CENPW: variants seen among roughly 807,000 people sequenced by gnomAD.
The protein encoded by CENPW is cancer-up-regulated gene 2 protein.
A neutral mutation model predicts 11.1 loss-of-function variants in CENPW; 3 were observed. That is an observed-to-expected ratio of 0.27 (90% confidence interval 0.12 to 0.70). The LOEUF is 0.70. Among genes scored for constraint, CENPW ranks in the 30% least tolerant of loss-of-function variants. The pLI, the probability that CENPW is intolerant of heterozygous loss-of-function variation, is 0.77. For missense variants in CENPW, 100 were observed against 105.6 expected (o/e 0.95, Z 0.23); for synonymous variants, 38 against 42.0 (o/e 0.91, Z 0.37).
At chr6:126,365,197 A>G in the CENPW span, among the ~76,000 whole-genome samples, 1 of 152,216 alleles carries the variant, frequency 6.6e-6, no homozygotes. Context: ...CTTGGGAGTC[A>G]GGGATATAAT....
At chr6:126,473,656 T>C in the CENPW span, among the ~76,000 whole-genome samples, 36 of 151,676 alleles carry the variant, frequency 2.4e-4, no homozygotes, top group African/African-American at 8.5e-4. Context: ...TCGCTTGAGC[T>C]TGGGAGGCGG....
the CENPW span, among the ~76,000 whole-genome samples, chr6:126,448,896 T>C: frequency 6.6e-6 from 1 of 151,144 alleles, no homozygotes; most frequent in African/African-American, 2.4e-5. Context: ...TATATATTCT[T>C]TCATTATTCA....
At chr6:126,409,850 T>A in the CENPW span, among the ~76,000 whole-genome samples, 5 of 152,024 alleles carry the variant, frequency 3.3e-5, 1 homozygote, top group South Asian at 6.2e-4. Context: ...TGGGTCATTT[T>A]AAAAAATCCA....
the CENPW span, among the ~76,000 whole-genome samples, chr6:126,366,462 G>T: frequency 6.6e-6 from 1 of 152,054 alleles, no homozygotes; most frequent in African/African-American, 2.4e-5. Context: ...AGTAATCTAT[G>T]TACATTTTTG....
the CENPW span, among the ~76,000 whole-genome samples, chr6:126,463,686 T>C: frequency 6.6e-6 from 1 of 152,004 alleles, no homozygotes; most frequent in Non-Finnish European, 1.5e-5. Flanking sequence ...GCCAATAAGT[T>C]AGACAACTTC....
At chr6:126,370,333 G>A in the CENPW span, among the ~76,000 whole-genome samples, 1 of 151,902 alleles carries the variant, frequency 6.6e-6, no homozygotes. Flanking sequence ...GATGAGAATT[G>A]TATTGAATTT....
At chr6:126,463,181 T>A in the CENPW span, among the ~76,000 whole-genome samples, 1 of 152,024 alleles carries the variant, frequency 6.6e-6, no homozygotes, top group Non-Finnish European at 1.5e-5. Flanking sequence ...TCACTGACAT[T>A]ATTCTATGTG....
the CENPW span, among the ~76,000 whole-genome samples, chr6:126,366,217 A>AT: frequency 3.9e-5 from 6 of 151,926 alleles, no homozygotes. Flanking sequence ...CCTTCAAAAT[A>AT]TTTTTTTTCT....
the CENPW span, among the ~76,000 whole-genome samples, chr6:126,386,614 T>C: frequency 6.6e-6 from 1 of 151,994 alleles, no homozygotes; most frequent in Non-Finnish European, 1.5e-5. Flanking sequence ...AGAGATGAAA[T>C]AGTTGTGCAG....
At chr6:126,341,771 T>C (rs1017017852) in intron 1 of CENPW, among the ~76,000 whole-genome samples, 1 of 152,220 alleles carries the variant, frequency 6.6e-6, no homozygotes, top group Admixed American at 6.5e-5. Flanking sequence ...GAAATGTACC[T>C]GATCAAAGAT....
the CENPW span, among the ~76,000 whole-genome samples, chr6:126,379,046 G>A: frequency 6.6e-6 from 1 of 152,106 alleles, no homozygotes; most frequent in East Asian, 1.9e-4. Flanking sequence ...TGGCCTTTGT[G>A]TACTAGTTAC....
chr6:126,356,592 C>T, the CENPW span, among the ~76,000 whole-genome samples: 7 of 152,046 alleles, frequency 4.6e-5, no homozygotes, highest in Non-Finnish European at 1.0e-4. Flanking sequence ...TGCAGCTTTG[C>T]CAGCATCTAT....
At chr6:126,414,475 A>G in the CENPW span, among the ~76,000 whole-genome samples, 2 of 152,272 alleles carry the variant, frequency 1.3e-5, no homozygotes, top group Non-Finnish European at 2.9e-5. Flanking sequence ...TCAGTGAACT[A>G]AAACTGAAAT....
the CENPW span, among the ~76,000 whole-genome samples, chr6:126,357,340 T>C: frequency 1.4e-4 from 21 of 152,220 alleles, no homozygotes; most frequent in Admixed American, 1.4e-3. Context: ...AGCCTTATAG[T>C]ATAGTTTGGA....
the CENPW span, among the ~76,000 whole-genome samples, chr6:126,426,890 T>A: frequency 6.6e-6 from 1 of 152,190 alleles, no homozygotes; most frequent in Non-Finnish European, 1.5e-5. Flanking sequence ...AAAGCTTTCA[T>A]GTAAAAAATT....
the CENPW span, among the ~76,000 whole-genome samples, chr6:126,399,694 A>G: frequency 2.0e-5 from 3 of 152,050 alleles, no homozygotes; most frequent in Non-Finnish European, 4.4e-5. Context: ...AATGCTGAGT[A>G]TACAATAGAG....
At chr6:126,473,431 A>G in the CENPW span, among the ~76,000 whole-genome samples, 1 of 152,006 alleles carries the variant, frequency 6.6e-6, no homozygotes, top group Admixed American at 6.6e-5. Flanking sequence ...AACCCATGCT[A>G]TTTAGAAATA....
chr6:126,417,558 G>A, the CENPW span, among the ~76,000 whole-genome samples: 1 of 152,156 alleles, frequency 6.6e-6, no homozygotes, highest in Non-Finnish European at 1.5e-5. Flanking sequence ...AATAATGGGT[G>A]TGGGTCTTTC....
chr6:126,375,959 G>T, the CENPW span, among the ~76,000 whole-genome samples: 1 of 152,088 alleles, frequency 6.6e-6, no homozygotes, highest in African/African-American at 2.4e-5. Context: ...CTATGCAGAG[G>T]CCCATCAACC....
Sources: gnomAD v4.1 joint callset for allele counts (sites outside exome capture counted in the v4.1 genomes callset) on GRCh38, gnomAD v4.1.1 for gene constraint, MANE v1.5 for transcripts, NCBI Gene and HGNC (gene_info 2026-07-23, HGNC 2026-07-21) for gene names.